MAN2B2: variants seen among roughly 807,000 people sequenced by gnomAD.
MAN2B2 encodes the protein epididymis-specific alpha-mannosidase.
In MAN2B2, 106 loss-of-function variants were observed where a neutral mutation model predicts 117.1. The ratio of observed to expected loss-of-function variants is 0.90; its 90% CI spans 0.77 to 1.06. MAN2B2 has a LOEUF of 1.06. Ranked by LOEUF, MAN2B2 falls within the 50% of genes least tolerant of loss-of-function variation. MAN2B2 has a pLI of 0.00. For missense variants in MAN2B2, 1,326 were observed against 1,381.4 expected, an observed-to-expected ratio of 0.96 and a Z score of 0.64; for synonymous variants, 544 against 595.1, an observed-to-expected ratio of 0.91 and a Z score of 1.25.
intron 3 of MAN2B2, among the ~76,000 whole-genome samples, chr4:6,581,723 T>G (rs1726433812): frequency 6.7e-6 from 1 of 150,218 alleles, no homozygotes; most frequent in Admixed American, 6.7e-5. Flanking sequence ...GACCTTCTTC[T>G]TCGGGTATCT....
intron 3 of MAN2B2, 148 bp downstream of exon 3, chr4:6,578,646 C>T: frequency 1.6e-6 from 1 of 638,644 alleles, no homozygotes; most frequent in Non-Finnish European, 2.7e-6. Flanking sequence ...TTTGCTAGTG[C>T]CATATTCATG....
At chr4:6,580,639 C>T (rs1387471373) in intron 3 of MAN2B2, among the ~76,000 whole-genome samples, 1 of 152,222 alleles carries the variant, frequency 6.6e-6, no homozygotes, top group Non-Finnish European at 1.5e-5. Context: ...TGAGTCTCTG[C>T]AGTTCTGTGT....
rs146659480 is a variant in MAN2B2, at chr4:6,614,349, C to T, written c.2695C>T (p.Arg899Trp). Residue 899 changes from arginine (R) to tryptophan (W), a missense_variant, in exon 16 of 19, where the codon CGG (arginine) becomes TGG (tryptophan). Physicochemically the swap from Arg to Trp is moderately radical, Grantham distance 101. Coordinates refer to ENST00000285599, the MANE Select transcript of MAN2B2 (RefSeq NM_015274.3). ...CCACACGGAGCACTCTCAGAATCTC[C>T]GGAAAGGTGAGGCAGGTGCCCTGGC... ...SNHTEHSQNL[R>W]KGHRGEAQAD... 1.0e-4 allele frequency: 167 copies of T among 1,613,672 alleles called. No homozygotes were observed. The highest frequency in any genetic ancestry group is 5.0e-4 in the Middle Eastern group (3 of 5,962).
intron 3 of MAN2B2, among the ~76,000 whole-genome samples, chr4:6,584,368 C>T (rs957970184): frequency 1.3e-5 from 2 of 152,216 alleles, no homozygotes; most frequent in African/African-American, 2.4e-5. Context: ...TACCAGACAC[C>T]ACATTCAAGG....
At chr4:6,620,130 T>C in intron 18 of MAN2B2, 86 bp downstream of exon 18, 1 of 1,173,494 alleles carries the variant, frequency 8.5e-7, no homozygotes, top group Non-Finnish European at 1.2e-6. Context: ...TCCAACCATC[T>C]GCCTGTCCCG....
In MAN2B2 at chr4:6,620,035, C is replaced by A. The variant is rs148481113; in HGVS notation, c.2923C>A (p.Arg975Ser). The change falls in exon 18 of 19, where the codon CGC becomes AGC. Residue 975 changes from arginine to serine, a missense_variant. Coordinates refer to ENST00000285599, the MANE Select transcript of MAN2B2 (RefSeq NM_015274.3). ...HRWSWRTGPG[R>S]HRGDTTSPSR... is the part of the protein sequence containing the mutation. ...CTGGAGCTGGAGGACGGGGCCTGGC[C>A]GCCACAGAGGTTTGGGGACCCCCGC... is the stretch of plus-strand genomic sequence containing the variant. 1.4e-3 allele frequency: 2,281 copies of A among 1,611,622 alleles called. 4 individuals carry two copies. The highest frequency in any genetic ancestry group is 1.8e-3 in the Non-Finnish European group (2,181 of 1,179,114).
chr4:6,614,049 T>C (rs1053592158), intron 15 of MAN2B2, among the ~76,000 whole-genome samples, 169 bp from the exon 16 acceptor site: 10 of 152,198 alleles, frequency 6.6e-5, no homozygotes, highest in Admixed American at 2.0e-4. Flanking sequence ...AGTGGAGGCC[T>C]GGGGCATTGG....
At chr4:6,600,162 C>A (rs1458566702) in intron 9 of MAN2B2, among the ~76,000 whole-genome samples, 1 of 152,164 alleles carries the variant, frequency 6.6e-6, no homozygotes, top group African/African-American at 2.4e-5. Flanking sequence ...ATCACAGGGA[C>A]CTAAAATGCC....
chr4:6,620,073 CCCAGGACTCCCAG>C, intron 18 of MAN2B2, 29 bp downstream of exon 18: 1 of 1,555,970 alleles, frequency 6.4e-7, no homozygotes, highest in Non-Finnish European at 8.8e-7. Context: ...CAGCTCCCTA[CCCAGGACTCCCAG>C]CCAGGCTCAG....
intron 6 of MAN2B2, 104 bp downstream of exon 6, chr4:6,593,454 AG>A (rs1228593429): frequency 3.5e-5 from 40 of 1,153,626 alleles, no homozygotes; most frequent in Admixed American, 1.3e-4. Context: ...CCAGCTAGGC[AG>A]CCATGCTCAG....
At position 6,587,164 on chromosome 4, in the gene MAN2B2, C is replaced by A; in HGVS notation, c.560C>A (p.Ala187Asp). 1 of 1,612,472 alleles carries A rather than the reference C, an allele frequency of 6.2e-7. No homozygotes were observed. Among genetic ancestry groups the A allele is most frequent in the Non-Finnish European group, 8.5e-7 (1 of 1,179,434 alleles). The stretch of plus-strand genomic sequence containing the variant: ...GACCTGAAGGCAGCCATGCAGGAGG[C>A]CCGGGTGAGTGGTGTGCCGCGTCTG... ...DYDLKAAMQE[A>D]RGLQFVWRGS... Residue 187 changes from alanine (A) to aspartate (D), a missense_variant, in exon 4 of 19, where the codon GCC (alanine) becomes GAC (aspartate). Ala to Asp is a moderately radical substitution (Grantham distance 126). Coordinates refer to ENST00000285599, the MANE Select transcript of MAN2B2 (RefSeq NM_015274.3).
At chr4:6,584,650 T>C (rs1040071190) in intron 3 of MAN2B2, among the ~76,000 whole-genome samples, 3 of 152,194 alleles carry the variant, frequency 2.0e-5, no homozygotes. Context: ...AAGCTTAAGT[T>C]CTCTTTTCCT....
chr4:6,603,419 G>C lies in MAN2B2; in HGVS notation c.1540-1636G>C, dbSNP rs566347213. Among the ~76,000 whole-genome samples, 5 of 152,316 alleles carry C rather than the reference G, an allele frequency of 3.3e-5. No individual in the cohort carries two copies. The South Asian group carries it at 1.0e-3, about 32-fold the overall frequency. On this transcript the variant is annotated intron_variant, in intron 10 of 18. Transcript: ENST00000285599. ...GGACACAGACATGGATGGTGACAGT[G>C]TGGAGTGGTGACTCGGGAGCCAGGG...
rs779510658 is a variant in MAN2B2 at position 6,605,184 on chromosome 4, G to A, written c.1669G>A (p.Ala557Thr). Residue 557 changes from alanine to threonine, a missense_variant, in exon 11 of 19, where the codon GCC becomes ACC. Coordinates refer to ENST00000285599, the MANE Select transcript of MAN2B2 (RefSeq NM_015274.3). The stretch of plus-strand genomic sequence containing the variant: ...CCAAGAGGGCACCCAGGAGCCGGCT[G>A]CCACTGTGGCGAGCACCCTTCAATT... Reference protein sequence around the residue: ...GAQEGTQEPAATVASTLQFGR... With the variant: ...GAQEGTQEPATTVASTLQFGR... 6.2e-7 allele frequency: 1 copy of A among 1,614,224 alleles called. No homozygotes were observed. The highest frequency in any genetic ancestry group is 1.1e-5 in the South Asian group (1 of 91,090).
rs759037342 is a variant in MAN2B2 at position 6,587,187 on chromosome 4, C to T, written c.564+19C>T. 1.2e-6 allele frequency: 2 copies of T among 1,605,224 alleles called. No homozygotes were observed. The highest frequency in any genetic ancestry group is 1.7e-5 in the Admixed American group (1 of 59,446). On this transcript the variant is annotated intron_variant, in intron 4 of 18. Transcript: ENST00000285599. ...GGCCCGGGTGAGTGGTGTGCCGCGT[C>T]TGCTGCCGCCCAGCGACCGCTCCTC...
At chr4:6,583,228 A>G (rs926254927) in intron 3 of MAN2B2, among the ~76,000 whole-genome samples, 8 of 152,176 alleles carry the variant, frequency 5.3e-5, no homozygotes, top group African/African-American at 1.9e-4. Flanking sequence ...CACTCCTCAC[A>G]TTTCCATTGG....
At chr4:6,590,489 C>T (rs929043818) in intron 5 of MAN2B2, among the ~76,000 whole-genome samples, 22 of 152,312 alleles carry the variant, frequency 1.4e-4, no homozygotes, top group Admixed American at 9.1e-4. Flanking sequence ...CTCGCCTGTC[C>T]GTACCTGCCA....
In MAN2B2 at chr4:6,587,071, C is replaced by A. The variant is rs1265622420; in HGVS notation, c.467C>A (p.Ser156Tyr). The stretch of plus-strand genomic sequence containing the variant: ...TGGCACGTTGACCCGTTTGGCGCCT[C>A]TGCCACGACGCCCACCCTATTTGCG... ...FSWHVDPFGA[S>Y]ATTPTLFALA... The change falls in exon 4 of 19, where the codon TCT becomes TAT. Residue 156 changes from serine to tyrosine, a missense_variant. By Grantham distance (144) the Ser-to-Tyr change is moderately radical. Coordinates refer to ENST00000285599, the MANE Select transcript of MAN2B2 (RefSeq NM_015274.3). 6.2e-7 allele frequency: 1 copy of A among 1,614,106 alleles called. No individual in the cohort carries two copies. Among genetic ancestry groups the A allele is most frequent in the Non-Finnish European group, 8.5e-7 (1 of 1,180,028 alleles).
intron 15 of MAN2B2, among the ~76,000 whole-genome samples, chr4:6,612,549 T>C (rs1441604465): frequency 6.6e-6 from 1 of 152,240 alleles, no homozygotes; most frequent in East Asian, 1.9e-4. Flanking sequence ...GCTCTAGGCA[T>C]ATCAGGAGCA....
Sources: gnomAD v4.1 joint callset for allele counts (sites outside exome capture counted in the v4.1 genomes callset) on GRCh38, gnomAD v4.1.1 for gene constraint, MANE v1.5 for transcripts, NCBI Gene and HGNC (gene_info 2026-07-23, HGNC 2026-07-21) for gene names.